The following PDIA5 variants were observed in gnomAD, a reference collection of about 807,000 sequenced individuals.
PDIA5 encodes the protein protein disulfide isomerase family A member 5, also known as protein disulfide-isomerase A5.
PDIA5 carries 58 observed loss-of-function variants against 77.6 expected under a neutral mutation model. The ratio of observed to expected loss-of-function variants is 0.75; its 90% CI spans 0.61 to 0.93. The LOEUF is 0.93. Ranked by LOEUF, PDIA5 falls within the 40% of genes least tolerant of loss-of-function variation. The pLI is 0.00. For missense variants in PDIA5, 630 were observed against 647.7 expected (o/e 0.97, Z 0.30); for synonymous variants, 250 against 252.1 (o/e 0.99, Z 0.08).
Position 123,125,467 on chromosome 3 carries a change from C to T in PDIA5, c.773+1124C>T, listed in dbSNP as rs979992195. ...CCACCAACCCAGCTCCCTGCAGCCCCGACAGTCCAACTTAGCCTCCTCAAG... is the reference window on the plus strand; with the variant it reads ...CCACCAACCCAGCTCCCTGCAGCCCTGACAGTCCAACTTAGCCTCCTCAAG... On this transcript the variant is annotated intron_variant, in intron 10 of 16. Transcript: ENST00000316218. 3.3e-5 allele frequency among the ~76,000 whole-genome samples: 5 copies of T among 152,154 alleles called. No homozygotes were observed. In the South Asian group the frequency reaches 6.2e-4, roughly 19 times the overall value.
chr3:123,088,516 A>G lies in PDIA5; in HGVS notation c.43-652A>G, dbSNP rs983477150. Reference sequence around the variant, plus strand: ...GATGGAGTTTTTACTTTGCCCCAGCATATGGCATTGTGGTAACATGAGGAA... The same window carrying G: ...GATGGAGTTTTTACTTTGCCCCAGCGTATGGCATTGTGGTAACATGAGGAA... On this transcript the variant is annotated intron_variant, in intron 1 of 16. Coordinates refer to ENST00000316218, the MANE Select transcript of PDIA5 (RefSeq NM_006810.4). Among the ~76,000 whole-genome samples, 3 of 152,220 alleles carry G rather than the reference A, an allele frequency of 2.0e-5. No homozygotes were observed. In the South Asian group the frequency reaches 6.2e-4, roughly 32 times the overall value.
chr3:123,099,446 G>A (rs956161804), intron 3 of PDIA5, among the ~76,000 whole-genome samples: 4 of 152,198 alleles, frequency 2.6e-5, no homozygotes, highest in African/African-American at 7.2e-5. Flanking sequence ...GGGACAGGAA[G>A]CCTCCTCCCC....
rs1576466128 is a variant in PDIA5, at chr3:123,151,883, GCCTGCCTT to G, written c.1273+1523_1273+1530del. Among the ~76,000 whole-genome samples the G allele has an allele frequency of 6.5e-4, 66 of 101,062 alleles. 2 individuals are homozygous for G. In the South Asian group the frequency reaches 9.0e-3, roughly 14 times the overall value. 66.3% of individuals were successfully genotyped at this position (101,062 alleles called of 152,430 possible). A position where few individuals can be genotyped will look rare whatever the true frequency, so the allele number is the denominator to read the frequency against. ...CTCCTTCCTTCCTGCCCGCCTTCCT[GCCTGCCTT>G]CCTTCCTGCCTGCCTTCCTTCCTGC... On this transcript the variant is annotated intron_variant, in intron 14 of 16. Coordinates refer to ENST00000316218, the MANE Select transcript of PDIA5 (RefSeq NM_006810.4).
rs556576292 is a variant in PDIA5, at chr3:123,093,066, C to T, written c.257+624C>T. Among the ~76,000 whole-genome samples, 3 of 152,328 alleles carry T rather than the reference C, an allele frequency of 2.0e-5. No individual in the cohort carries two copies. The East Asian group carries it at 5.8e-4, about 29-fold the overall frequency. On this transcript the variant is annotated intron_variant, in intron 3 of 16. Transcript: ENST00000316218. ...TTATGGCACCCACTCCAGTGTAATC[C>T]TCTTCCTCTTTAGTCTGAGTTCTAA...
intron 10 of PDIA5, among the ~76,000 whole-genome samples, chr3:123,127,592 C>T (rs1935271317): frequency 6.6e-6 from 1 of 152,184 alleles, no homozygotes; most frequent in African/African-American, 2.4e-5. Flanking sequence ...TTCTGACTCC[C>T]AGTTTGGCCT....
chr3:123,148,227 T>G (rs1019771578), intron 13 of PDIA5, among the ~76,000 whole-genome samples: 3 of 152,046 alleles, frequency 2.0e-5, no homozygotes, highest in African/African-American at 7.2e-5. Context: ...TAAATGAGAC[T>G]CCTGTGAAAA....
intron 7 of PDIA5, among the ~76,000 whole-genome samples, chr3:123,113,582 T>G (rs1209966931): frequency 6.6e-6 from 1 of 152,230 alleles, no homozygotes; most frequent in Non-Finnish European, 1.5e-5. Context: ...CGGGACCCTT[T>G]TTTTGATTAT....
At chr3:123,092,303 T>G in intron 2 of PDIA5, 52 bp from the exon 3 acceptor site, 1 of 1,444,088 alleles carries the variant, frequency 6.9e-7, no homozygotes. Context: ...ATAGCAGACA[T>G]GACCCAGTGC....
intron 3 of PDIA5, among the ~76,000 whole-genome samples, chr3:123,098,809 G>A (rs577715619): frequency 2.6e-5 from 4 of 152,312 alleles, no homozygotes; most frequent in Non-Finnish European, 4.4e-5. Flanking sequence ...ATGACCCATG[G>A]TGCATTCTCC....
At position 123,133,787 on chromosome 3, in the gene PDIA5, C is replaced by T. The variant is rs541153209; in HGVS notation, c.910+3171C>T. Among the ~76,000 whole-genome samples, 5 of 152,284 alleles carry T rather than the reference C, an allele frequency of 3.3e-5. No individual in the cohort carries two copies. The South Asian group carries it at 1.0e-3, about 32-fold the overall frequency. On this transcript the variant is annotated intron_variant, in intron 11 of 16. Transcript: ENST00000316218. Reference sequence around the variant, plus strand: ...TGACATTTTGAAGTACCCCAACAAACCGAAATAGTGGGGCTCAAACTAAAA... The same window carrying T: ...TGACATTTTGAAGTACCCCAACAAATCGAAATAGTGGGGCTCAAACTAAAA...
At chr3:123,101,526 C>T (rs931359029) in intron 3 of PDIA5, among the ~76,000 whole-genome samples, 2 of 152,206 alleles carry the variant, frequency 1.3e-5, no homozygotes, top group Non-Finnish European at 2.9e-5. Context: ...CTGGCCCTTT[C>T]TCCTTTTGTC....
chr3:123,122,242 G>A (rs186915029), intron 8 of PDIA5, among the ~76,000 whole-genome samples: 7 of 152,246 alleles, frequency 4.6e-5, no homozygotes, highest in Admixed American at 3.9e-4. Context: ...TTAATCTGTG[G>A]TGAATGTGCA....
rs148381146 is a variant in PDIA5 at position 123,149,650 on chromosome 3, TG to T, written c.1143-583del. Among the ~76,000 whole-genome samples, 1,275 of 152,326 alleles carry T rather than the reference TG, an allele frequency of 8.4e-3. 26 individuals carry two copies. Among genetic ancestry groups the T allele is most frequent in the African/African-American group, 0.028 (1,163 of 41,570 alleles). On this transcript the variant is annotated intron_variant, in intron 13 of 16. Transcript: ENST00000316218. ...AGGCTCTCAGTAAATATTAGTTCCTTGACTGAGTAGATGCTTTTCATACATT... is the reference window on the plus strand; with the variant it reads ...AGGCTCTCAGTAAATATTAGTTCCTTACTGAGTAGATGCTTTTCATACATT...
At chr3:123,081,651 T>A (rs1453562071) in intron 1 of PDIA5, among the ~76,000 whole-genome samples, 1 of 152,250 alleles carries the variant, frequency 6.6e-6, no homozygotes, top group Non-Finnish European at 1.5e-5. Flanking sequence ...TCACCCTTTT[T>A]CCTCAATGTT....
intron 5 of PDIA5, among the ~76,000 whole-genome samples, chr3:123,105,375 G>C (rs554445962): frequency 4.6e-5 from 7 of 152,338 alleles, no homozygotes; most frequent in Admixed American, 3.9e-4. Context: ...GTGGACAGGT[G>C]CCTCTGCAGC....
intron 1 of PDIA5, among the ~76,000 whole-genome samples, chr3:123,082,220 G>A (rs1317444392): frequency 6.6e-6 from 1 of 152,118 alleles, no homozygotes; most frequent in Non-Finnish European, 1.5e-5. Context: ...GCCTTGGAAG[G>A]AGATGTTCCT....
Position 123,113,739 on chromosome 3 carries a change from C to T in PDIA5, c.542-2492C>T, listed in dbSNP as rs754319768. On this transcript the variant is annotated intron_variant, in intron 7 of 16. Coordinates refer to ENST00000316218, the MANE Select transcript of PDIA5 (RefSeq NM_006810.4). Reference sequence around the variant, plus strand: ...GGGACGTCTGTTAGGACTCTGTGACCCTTTGGTCACATGTTGGGTGAATGG... The same window carrying T: ...GGGACGTCTGTTAGGACTCTGTGACTCTTTGGTCACATGTTGGGTGAATGG... Among the ~76,000 whole-genome samples the T allele has an allele frequency of 3.9e-5, 6 of 152,292 alleles. No homozygotes were observed. In the South Asian group the frequency reaches 1.2e-3, roughly 32 times the overall value.
At chr3:123,130,026 C>G (rs1295668513) in intron 10 of PDIA5, among the ~76,000 whole-genome samples, 1 of 152,226 alleles carries the variant, frequency 6.6e-6, no homozygotes, top group Non-Finnish European at 1.5e-5. Flanking sequence ...TCACCCCCTC[C>G]TCTCTGTACC....
At chr3:123,143,017 A>G (rs962288809) in intron 11 of PDIA5, among the ~76,000 whole-genome samples, 11 of 152,090 alleles carry the variant, frequency 7.2e-5, no homozygotes, top group South Asian at 4.1e-4. Flanking sequence ...TTTATCATGT[A>G]TCTATTAAAT....
Sources: gnomAD v4.1 joint callset for allele counts (sites outside exome capture counted in the v4.1 genomes callset) on GRCh38, gnomAD v4.1.1 for gene constraint, MANE v1.5 for transcripts, NCBI Gene and HGNC (gene_info 2026-07-23, HGNC 2026-07-21) for gene names.